The following TULP4 variants were observed in gnomAD, a reference collection of about 807,000 sequenced individuals.
The protein encoded by TULP4 is tubby-related protein 4.
In TULP4, 16 loss-of-function variants were observed where a neutral mutation model predicts 129.0. That is an observed-to-expected ratio of 0.12 (90% CI 0.08 to 0.19). TULP4 has a LOEUF of 0.19. TULP4 is among the 10% of genes least tolerant of loss of function. TULP4 has a pLI of 1.00. For missense variants in TULP4, 1,842 were observed against 2,059.1 expected, an observed-to-expected ratio of 0.89 and a Z score of 2.04; for synonymous variants, 998 against 854.0, an observed-to-expected ratio of 1.17 and a Z score of -2.94.
At chr6:158,381,929 G>A (rs1372560743) in intron 1 of TULP4, among the ~76,000 whole-genome samples, 3 of 152,106 alleles carry the variant, frequency 2.0e-5, no homozygotes, top group East Asian at 3.8e-4. Context: ...TGTTATTGTT[G>A]TTGTTGTTTT....
chr6:158,457,149 T>C (rs574841459), intron 5 of TULP4, among the ~76,000 whole-genome samples: 40 of 152,274 alleles, frequency 2.6e-4, no homozygotes, highest in African/African-American at 8.9e-4. Context: ...ACTTGTCTCA[T>C]AGAGGAAATT....
chr6:158,300,485 C>T (rs776001449), intron 1 of TULP4, among the ~76,000 whole-genome samples: 11 of 152,134 alleles, frequency 7.2e-5, no homozygotes, highest in South Asian at 4.2e-4. Context: ...TGGCCTGTTC[C>T]GCCACAGCTT....
intron 1 of TULP4, among the ~76,000 whole-genome samples, chr6:158,276,878 ATGTT>A (rs1778656889): frequency 1.3e-5 from 2 of 151,788 alleles, no homozygotes; most frequent in Non-Finnish European, 2.9e-5. Flanking sequence ...TAGAACCCAC[ATGTT>A]TGTTTGTTTG....
chr6:158,263,775 A>G (rs1265129538), intron 1 of TULP4, among the ~76,000 whole-genome samples: 2 of 151,988 alleles, frequency 1.3e-5, no homozygotes, highest in Non-Finnish European at 2.9e-5. Flanking sequence ...AACAACAGCA[A>G]CAACAGGCTG....
chr6:158,347,525 C>T (rs1780340630), intron 1 of TULP4, among the ~76,000 whole-genome samples: 2 of 152,170 alleles, frequency 1.3e-5, no homozygotes, highest in African/African-American at 4.8e-5. Flanking sequence ...ACCAATCTAC[C>T]CTCTGACTTG....
At chr6:158,454,703 T>G (rs565083201) in intron 5 of TULP4, among the ~76,000 whole-genome samples, 1 of 152,232 alleles carries the variant, frequency 6.6e-6, no homozygotes, top group Non-Finnish European at 1.5e-5. Context: ...CCTCCCAGTT[T>G]CAAGTGATTC....
intron 1 of TULP4, among the ~76,000 whole-genome samples, chr6:158,275,902 G>A (rs1468880340): frequency 1.3e-5 from 2 of 152,170 alleles, no homozygotes; most frequent in South Asian, 2.1e-4. Context: ...GTGAATATAG[G>A]AGTATACAGT....
At chr6:158,387,354 A>G (rs969749548) in intron 1 of TULP4, among the ~76,000 whole-genome samples, 1 of 152,168 alleles carries the variant, frequency 6.6e-6, no homozygotes, top group African/African-American at 2.4e-5. Context: ...GCAACACAAC[A>G]TGCTGTAATA....
intron 1 of TULP4, among the ~76,000 whole-genome samples, chr6:158,356,750 G>C (rs1780656168): frequency 1.3e-5 from 2 of 152,096 alleles, no homozygotes; most frequent in South Asian, 4.1e-4. Flanking sequence ...CAAAAGGAGA[G>C]GGCAGTGCTG....
intron 1 of TULP4, among the ~76,000 whole-genome samples, chr6:158,246,237 C>T (rs755697695): frequency 2.0e-4 from 30 of 152,172 alleles, no homozygotes; most frequent in Non-Finnish European, 4.3e-4. Context: ...CATGGTGGCT[C>T]ATGCCTGTAA....
At chr6:158,425,280 G>A (rs542107582) in intron 2 of TULP4, among the ~76,000 whole-genome samples, 1 of 151,462 alleles carries the variant, frequency 6.6e-6, no homozygotes, top group Non-Finnish European at 1.5e-5. Context: ...TTGGGAAGCC[G>A]AGGAGGGCCG....
chr6:158,393,682 T>C (rs986584320), intron 1 of TULP4, among the ~76,000 whole-genome samples: 5 of 152,186 alleles, frequency 3.3e-5, no homozygotes, highest in African/African-American at 1.2e-4. Context: ...CAACTGGAGC[T>C]AGAGCGGCTG....
intron 1 of TULP4, among the ~76,000 whole-genome samples, chr6:158,300,000 G>A (rs867529640): frequency 6.6e-6 from 1 of 152,168 alleles, no homozygotes. Flanking sequence ...TAGGAGAAGT[G>A]GGATTAGTTA....
chr6:158,253,313 G>A (rs1489843817), intron 1 of TULP4, among the ~76,000 whole-genome samples: 1 of 152,144 alleles, frequency 6.6e-6, no homozygotes, highest in Non-Finnish European at 1.5e-5. Context: ...CAACTTTATT[G>A]CCTAGACGAG....
intron 1 of TULP4, among the ~76,000 whole-genome samples, chr6:158,334,643 C>T (rs1779990896): frequency 1.3e-5 from 2 of 152,116 alleles, no homozygotes; most frequent in African/African-American, 4.8e-5. Flanking sequence ...ACGGAAGCTC[C>T]TAAGTTGCTT....
At chr6:158,316,663 C>T (rs937930812) in intron 1 of TULP4, among the ~76,000 whole-genome samples, 6 of 152,048 alleles carry the variant, frequency 3.9e-5, no homozygotes, top group Non-Finnish European at 7.4e-5. Context: ...TGGCTTAAAA[C>T]GTTACCCATT....
At chr6:158,424,025 T>C (rs1778416700) in intron 2 of TULP4, among the ~76,000 whole-genome samples, 1 of 152,116 alleles carries the variant, frequency 6.6e-6, no homozygotes, top group Admixed American at 6.6e-5. Flanking sequence ...ACATATCTGA[T>C]AAAGGATTAT....
chr6:158,335,274 C>CAAAAAA (rs61418142), intron 1 of TULP4, among the ~76,000 whole-genome samples: 1 of 121,558 alleles, frequency 8.2e-6, no homozygotes, highest in African/African-American at 3.1e-5. Flanking sequence ...GAGACTGTCT[C>CAAAAAA]AAAAAAAAAA....
Position 158,502,512 on chromosome 6 carries a change from G to A in TULP4, c.2849G>A (p.Arg950His), listed in dbSNP as rs751772422. The A allele has an allele frequency of 3.0e-5, 48 of 1,611,972 alleles. 1 individual carries two copies. The highest frequency in any genetic ancestry group is 2.2e-4 in the East Asian group (10 of 44,848). The part of the protein sequence containing the change: ...SATLNRLTVP[R>H]YSIPTGDPPP... The stretch of plus-strand genomic sequence containing the variant: ...ACCCTGAACCGCCTGACCGTCCCTC[G>A]CTACTCCATCCCCACCGGGGACCCA... The change falls in exon 13 of 14, where the codon CGC becomes CAC. Residue 950 changes from arginine to histidine, a missense_variant. Coordinates refer to ENST00000367097, the MANE Select transcript of TULP4 (RefSeq NM_020245.5).
Sources: allele counts gnomAD v4.1 joint callset (sites outside exome capture counted in the v4.1 genomes callset), GRCh38; gene constraint gnomAD v4.1.1; transcripts MANE v1.5; gene names NCBI Gene and HGNC (gene_info 2026-07-23, HGNC 2026-07-21).